Variants in DCAF5 observed in about 807,000 individuals in gnomAD.
DCAF5 encodes DDB1 and CUL4 associated factor 5, also known as DDB1- and CUL4-associated factor 5.
A neutral mutation model predicts 80.7 loss-of-function variants in DCAF5; 9 were observed. The observed-to-expected ratio is 0.11, with a 90% confidence interval of 0.07 to 0.19. The LOEUF (loss-of-function observed/expected upper bound fraction) is 0.19, where lower values mean the gene tolerates loss of function less well. Ranked by LOEUF, DCAF5 falls within the 10% of genes least tolerant of loss-of-function variation. The pLI, the probability that DCAF5 is intolerant of heterozygous loss-of-function variation, is 1.00. For missense variants in DCAF5, 842 were observed against 1,205.7 expected (o/e 0.70, Z 4.47); for synonymous variants, 433 against 461.9 (o/e 0.94, Z 0.80).
In DCAF5 at chr14:69,084,225, G is replaced by C. The variant is rs2039229208; in HGVS notation, c.879+7449C>G. On this transcript the variant is annotated intron_variant, in intron 6 of 8. Coordinates refer to ENST00000341516, the MANE Select transcript of DCAF5 (RefSeq NM_003861.3). ...ATGAGTCACCACGTGCATACCTATG[G>C]GTTGATAATGGGTGGCAGTAATAGA... is the stretch of plus-strand genomic sequence containing the variant. 4.0e-6 allele frequency: 4 copies of C among 1,009,472 alleles called. No individual in the cohort carries two copies. In the African/African-American group the frequency reaches 4.7e-5, roughly 12 times the overall value. 62.5% of individuals were successfully genotyped at this position (1,009,472 alleles called of 1,614,324 possible). A position where few individuals can be genotyped will look rare whatever the true frequency, so the allele number is the denominator to read the frequency against.
chr14:69,130,239 T>C (rs374753545), intron 1 of DCAF5, among the ~76,000 whole-genome samples: 1 of 152,236 alleles, frequency 6.6e-6, no homozygotes, highest in East Asian at 1.9e-4. Context: ...CGAATATTCC[T>C]GGAACTTATC....
chr14:69,119,314 G>T, intron 2 of DCAF5, 84 bp from the exon 3 acceptor site: 1 of 1,418,066 alleles, frequency 7.1e-7, no homozygotes, highest in South Asian at 1.3e-5. Flanking sequence ...TAAGTTTTCA[G>T]GGAAAAAATA....
At chr14:69,057,761 G>A (rs1030982119) in intron 8 of DCAF5, among the ~76,000 whole-genome samples, 3 of 152,110 alleles carry the variant, frequency 2.0e-5, no homozygotes, top group Non-Finnish European at 2.9e-5. Context: ...TGGGTGATGC[G>A]CAGCTCCTTC....
Position 69,118,449 on chromosome 14 carries a change from TA to T in DCAF5, c.396-172del, listed in dbSNP as rs543236966. Among the ~76,000 whole-genome samples, 9 of 151,850 alleles carry T rather than the reference TA, an allele frequency of 5.9e-5. No homozygotes were observed. The highest frequency in any genetic ancestry group is 2.2e-4 in the African/African-American group (9 of 41,350). On this transcript the variant is annotated intron_variant, in intron 3 of 8. Coordinates refer to ENST00000341516, the MANE Select transcript of DCAF5 (RefSeq NM_003861.3). The surrounding 1 kb of genome is among the most constrained non-coding windows in gnomAD (Gnocchi z 4.0). ...AAAGGTAGGTAGTCAACTTTCAGGT[TA>T]AAAAAAAGGTACTATTAAGGAGTCT...
chr14:69,100,120 A>G (rs2039898591), intron 5 of DCAF5, among the ~76,000 whole-genome samples: 1 of 152,234 alleles, frequency 6.6e-6, no homozygotes, highest in Non-Finnish European at 1.5e-5. Flanking sequence ...GTGATATACT[A>G]TACATATTGA....
chr14:69,118,365 C>A lies in DCAF5; in HGVS notation c.396-87G>T. ...AGCACTTTGGTACCGAGGGTGCCAT[C>A]TTTTCCATTTCTAGAAGAAAGTCAA... On this transcript the variant is annotated intron_variant, in intron 3 of 8. Coordinates refer to ENST00000341516, the MANE Select transcript of DCAF5 (RefSeq NM_003861.3). The surrounding 1 kb of genome is among the most constrained non-coding windows in gnomAD (Gnocchi z 4.0). The A allele has an allele frequency of 7.3e-7, 1 of 1,364,534 alleles. No homozygotes were observed. 84.5% of individuals were successfully genotyped at this position (1,364,534 alleles called of 1,614,324 possible).
chr14:69,135,877 T>C (rs530709043), intron 1 of DCAF5, among the ~76,000 whole-genome samples: 10 of 152,278 alleles, frequency 6.6e-5, no homozygotes, highest in Admixed American at 3.3e-4. Flanking sequence ...AAATGATCGA[T>C]GTATGATGTT....
intron 5 of DCAF5, among the ~76,000 whole-genome samples, chr14:69,107,433 C>T (rs1451678769): frequency 6.6e-6 from 1 of 152,190 alleles, no homozygotes; most frequent in African/African-American, 2.4e-5. Flanking sequence ...AAAGGTCCCA[C>T]CCCAAACCAA....
intron 1 of DCAF5, among the ~76,000 whole-genome samples, chr14:69,138,021 G>C (rs1467354540): frequency 6.6e-6 from 1 of 152,072 alleles, no homozygotes; most frequent in Non-Finnish European, 1.5e-5. Flanking sequence ...CAGATGAGGG[G>C]GGACTACTGT....
intron 5 of DCAF5, among the ~76,000 whole-genome samples, chr14:69,094,688 C>T (rs572045382): frequency 2.8e-4 from 42 of 152,114 alleles, no homozygotes; most frequent in Non-Finnish European, 5.4e-4. Context: ...GCCGGGAAGG[C>T]AAAGCTTGGA....
At chr14:69,135,661 A>G (rs2041169125) in intron 1 of DCAF5, among the ~76,000 whole-genome samples, 1 of 152,266 alleles carries the variant, frequency 6.6e-6, no homozygotes, top group South Asian at 2.1e-4. Context: ...CAGTATTTGT[A>G]GCCAATGATA....
chr14:69,125,332 A>T (rs1397488158), intron 1 of DCAF5, among the ~76,000 whole-genome samples: 1 of 152,260 alleles, frequency 6.6e-6, no homozygotes, highest in Non-Finnish European at 1.5e-5. Flanking sequence ...TGGCCCCTGG[A>T]GTAAACTGAA....
In DCAF5 at chr14:69,152,546, G is replaced by A. The variant is rs1356616285; in HGVS notation, c.214+219C>T. 2 of 573,786 alleles carry A rather than the reference G, an allele frequency of 3.5e-6. No individual in the cohort carries two copies. The highest frequency in any genetic ancestry group is 6.2e-6 in the Non-Finnish European group (2 of 320,772). The allele number at this position is 573,786 out of a possible 1,614,324, so 35.5% of individuals were successfully genotyped here. A position where few individuals can be genotyped will look rare whatever the true frequency, so the allele number is the denominator to read the frequency against. On this transcript the variant is annotated intron_variant, in intron 1 of 8. Coordinates refer to ENST00000341516, the MANE Select transcript of DCAF5 (RefSeq NM_003861.3). This position sits in a 1 kb window ranked among gnomAD's most constrained non-coding sequence, Gnocchi z 4.1. ...TGCACTTGGGATAAAGCGAATTAAG[G>A]AGCTGTCAACCATTTTAGGTCTTTT...
intron 2 of DCAF5, among the ~76,000 whole-genome samples, chr14:69,121,169 A>G (rs1403168544): frequency 6.6e-6 from 1 of 152,206 alleles, no homozygotes; most frequent in Non-Finnish European, 1.5e-5. Context: ...ATAGATTGGG[A>G]TTTAGACTTC....
chr14:69,114,116 T>C (rs1313420625), intron 5 of DCAF5, among the ~76,000 whole-genome samples: 1 of 152,208 alleles, frequency 6.6e-6, no homozygotes. Context: ...ACATGCAATC[T>C]TATACACAGT....
At position 69,053,185 on chromosome 14, in the gene DCAF5, C is replaced by T. The variant is rs2037816145; in HGVS notation, c.*672G>A. The T allele has an allele frequency of 6.6e-6, 1 of 152,214 alleles. No homozygotes were observed. The highest frequency in any genetic ancestry group is 2.4e-5 in the African/African-American group (1 of 41,438). The allele number at this position is 152,214 out of a possible 1,614,324, so 9.4% of individuals were successfully genotyped here. ...TTGAATCTGATCTTAAGTGCTAAAC[C>T]TCTCATTAGCATTAAAAATTCTTTT... On this transcript the variant is annotated 3_prime_UTR_variant, in exon 9 of 9. Coordinates refer to ENST00000341516, the MANE Select transcript of DCAF5 (RefSeq NM_003861.3).
At chr14:69,057,253 A>G (rs1334321514) in intron 8 of DCAF5, among the ~76,000 whole-genome samples, 1 of 152,206 alleles carries the variant, frequency 6.6e-6, no homozygotes, top group East Asian at 1.9e-4. Context: ...GGCTTAAGCT[A>G]TAATTACTAT....
intron 7 of DCAF5, among the ~76,000 whole-genome samples, chr14:69,071,160 C>A (rs979197603): frequency 6.6e-6 from 1 of 152,092 alleles, no homozygotes; most frequent in Non-Finnish European, 1.5e-5. Context: ...AAAAATTGGA[C>A]CTGATCTTCC....
At chr14:69,078,951 C>T (rs1281279106) in intron 6 of DCAF5, among the ~76,000 whole-genome samples, 1 of 152,096 alleles carries the variant, frequency 6.6e-6, no homozygotes, top group Non-Finnish European at 1.5e-5. Flanking sequence ...CAACCTCCAC[C>T]TCCAGGATTC....
Sources: gnomAD v4.1 joint callset for allele counts (sites outside exome capture counted in the v4.1 genomes callset) on GRCh38, gnomAD v4.1.1 for gene constraint, Gnocchi (gnomAD v3.1) non-coding constraint, MANE v1.5 for transcripts, NCBI Gene and HGNC (gene_info 2026-07-23, HGNC 2026-07-21) for gene names.